The following ROBO2 variants were observed in gnomAD, a reference collection of about 807,000 sequenced individuals.
ROBO2 encodes the protein roundabout homolog 2.
In ROBO2, 53 loss-of-function variants were observed where a neutral mutation model predicts 160.8. That is an observed-to-expected ratio of 0.33 (90% confidence interval 0.26 to 0.41). The LOEUF is 0.41. Ranked by LOEUF, ROBO2 falls within the 10% of genes least tolerant of loss-of-function variation. The pLI is 1.00. For synonymous variants in ROBO2, 664 were observed against 611.7 expected, an observed-to-expected ratio of 1.09 and a Z score of -1.26; for missense variants, 1,577 against 1,722.4, an observed-to-expected ratio of 0.92 and a Z score of 1.49.
At chr3:76,630,109 T>C (rs2089932805) in intron 2 of ROBO2, among the ~76,000 whole-genome samples, 1 of 152,230 alleles carries the variant, frequency 6.6e-6, no homozygotes, top group South Asian at 2.1e-4. Flanking sequence ...CATTTTGTTA[T>C]AATGTTGATG....
At chr3:76,589,762 A>G (rs892201202) in intron 2 of ROBO2, among the ~76,000 whole-genome samples, 1 of 152,154 alleles carries the variant, frequency 6.6e-6, no homozygotes, top group Non-Finnish European at 1.5e-5. Context: ...ATAAATCCAA[A>G]TCAATGTTAG....
intron 2 of ROBO2, among the ~76,000 whole-genome samples, chr3:77,392,212 T>C (rs2074806273): frequency 6.6e-6 from 1 of 152,220 alleles, no homozygotes; most frequent in African/African-American, 2.4e-5. Flanking sequence ...TGGTCTACCA[T>C]GTATCCTTAA....
intron 2 of ROBO2, among the ~76,000 whole-genome samples, chr3:76,669,727 G>A (rs1261387480): frequency 6.6e-6 from 1 of 152,132 alleles, no homozygotes; most frequent in Non-Finnish European, 1.5e-5. Flanking sequence ...CAAGTTTCAT[G>A]CTGTTACATC....
rs932114811 is a variant in ROBO2, at chr3:77,493,387, G to A, written c.806+5G>A. 2 of 1,613,848 alleles carry A rather than the reference G, an allele frequency of 1.2e-6. No individual in the cohort carries two copies. The highest frequency in any genetic ancestry group is 1.1e-5 in the South Asian group (1 of 91,058). On this transcript the variant is annotated splice_donor_5th_base_variant and intron_variant, in intron 5 of 25. Transcript: ENST00000461745. Reference sequence around the variant, plus strand: ...TGCAGACTTGCCAAGAGGAAGGTAAGACCAACATATGGATGGAAGATTGTT... The same window carrying A: ...TGCAGACTTGCCAAGAGGAAGGTAAAACCAACATATGGATGGAAGATTGTT...
chr3:75,980,566 A>T (rs967999286), intron 2 of ROBO2, among the ~76,000 whole-genome samples: 1 of 151,564 alleles, frequency 6.6e-6, no homozygotes, highest in Admixed American at 6.6e-5. Context: ...GTTTATTTTC[A>T]CATGAAATAT....
chr3:76,253,402 A>G (rs1199699925), intron 2 of ROBO2, among the ~76,000 whole-genome samples: 4 of 151,870 alleles, frequency 2.6e-5, no homozygotes, highest in Admixed American at 6.6e-5. Context: ...CCTCCTGAGT[A>G]GCTGGTACTA....
chr3:76,343,982 A>C (rs2074380230), intron 2 of ROBO2, among the ~76,000 whole-genome samples: 1 of 152,062 alleles, frequency 6.6e-6, no homozygotes, highest in African/African-American at 2.4e-5. Context: ...ATATACCTTG[A>C]ATCTATCTTT....
chr3:76,538,180 CA>C (rs748658312), intron 2 of ROBO2, among the ~76,000 whole-genome samples: 1 of 151,736 alleles, frequency 6.6e-6, no homozygotes, highest in Non-Finnish European at 1.5e-5. Context: ...CACACACACA[CA>C]CACCATATTC....
chr3:77,103,414 T>TG (rs897265544), intron 2 of ROBO2, among the ~76,000 whole-genome samples: 3 of 151,552 alleles, frequency 2.0e-5, no homozygotes, highest in Non-Finnish European at 4.4e-5. Flanking sequence ...AATCTTTTTT[T>TG]TTTTTTCTTT....
chr3:77,130,869 C>T (rs2075793746), intron 2 of ROBO2, among the ~76,000 whole-genome samples: 1 of 152,132 alleles, frequency 6.6e-6, no homozygotes. Context: ...GATTTTCCAT[C>T]ATTTATATAT....
At chr3:77,322,647 T>C (rs1203162649) in intron 2 of ROBO2, among the ~76,000 whole-genome samples, 1 of 150,844 alleles carries the variant, frequency 6.6e-6, no homozygotes, top group Non-Finnish European at 1.5e-5. Context: ...CTTGGTTGGA[T>C]GGACTATATT....
intron 2 of ROBO2, among the ~76,000 whole-genome samples, chr3:77,395,100 C>T (rs557399623): frequency 6.6e-5 from 10 of 152,162 alleles, no homozygotes; most frequent in African/African-American, 1.9e-4. Flanking sequence ...GAGTTCAGAG[C>T]GTAATGCAGT....
intron 2 of ROBO2, among the ~76,000 whole-genome samples, chr3:76,293,660 A>T (rs1478253926): frequency 6.6e-6 from 1 of 152,210 alleles, no homozygotes; most frequent in Non-Finnish European, 1.5e-5. Context: ...GGACATGGAC[A>T]TTGGATGGAG....
chr3:76,846,535 T>A (rs1372453879), intron 2 of ROBO2, among the ~76,000 whole-genome samples: 1 of 152,156 alleles, frequency 6.6e-6, no homozygotes, highest in Non-Finnish European at 1.5e-5. Context: ...ATTTGAAGAA[T>A]CAATACTTCA....
chr3:77,400,400 T>C (rs1246403748), intron 2 of ROBO2, among the ~76,000 whole-genome samples: 1 of 152,180 alleles, frequency 6.6e-6, no homozygotes, highest in African/African-American at 2.4e-5. Context: ...CTATTGATCA[T>C]GTGAAATCAA....
chr3:76,116,518 AC>A (rs2070479214), intron 2 of ROBO2, among the ~76,000 whole-genome samples: 2 of 152,130 alleles, frequency 1.3e-5, no homozygotes, highest in Admixed American at 1.3e-4. Context: ...CAGGAGGAGA[AC>A]CGAGATGCTT....
At chr3:77,059,196 C>T (rs960630926) in intron 1 of ROBO2, among the ~76,000 whole-genome samples, 3 of 152,136 alleles carry the variant, frequency 2.0e-5, no homozygotes, top group African/African-American at 7.2e-5. Flanking sequence ...AGAGTGAGAT[C>T]TGAGAAAAGA....
chr3:77,211,861 G>A (rs1163845811), intron 2 of ROBO2, among the ~76,000 whole-genome samples: 1 of 152,034 alleles, frequency 6.6e-6, no homozygotes, highest in Non-Finnish European at 1.5e-5. Context: ...TTTTTGTCAG[G>A]TTTGTCAAAG....
chr3:76,611,265 G>C (rs2088099317), intron 2 of ROBO2, among the ~76,000 whole-genome samples: 1 of 152,100 alleles, frequency 6.6e-6, no homozygotes, highest in South Asian at 2.1e-4. Flanking sequence ...ACCCATCCCT[G>C]TCTGCCTAGG....
Sources: allele counts gnomAD v4.1 joint callset (sites outside exome capture counted in the v4.1 genomes callset), GRCh38; gene constraint gnomAD v4.1.1; transcripts MANE v1.5; gene names NCBI Gene and HGNC (gene_info 2026-07-23, HGNC 2026-07-21).